FGF13: variants seen among roughly 807,000 people sequenced by gnomAD.
The protein encoded by FGF13 is fibroblast growth factor 13.
A neutral mutation model predicts 19.5 loss-of-function variants in FGF13; 2 were observed. That is an observed-to-expected ratio of 0.10 (90% CI 0.04 to 0.32). FGF13 has a LOEUF of 0.32. Among genes scored for constraint, FGF13 ranks in the 10% least tolerant of loss-of-function variants. The pLI is 1.00. For missense variants in FGF13, 113 were observed against 192.7 expected, an observed-to-expected ratio of 0.59 and a Z score of 2.45; for synonymous variants, 72 against 76.9, an observed-to-expected ratio of 0.94 and a Z score of 0.33.
intron 3 of FGF13, among the ~76,000 whole-genome samples, chrX:138,758,145 G>C (rs1286566104): frequency 9.0e-6 from 1 of 111,350 alleles, no homozygotes; most frequent in East Asian, 2.9e-4. Flanking sequence ...AAGCCAGAGT[G>C]ATCCCTAAAT....
intron 1 of FGF13, among the ~76,000 whole-genome samples, chrX:138,912,770 C>A (rs770992346): frequency 1.4e-3 from 157 of 111,699 alleles, no homozygotes; most frequent in Non-Finnish European, 2.5e-3. Flanking sequence ...CTCTCACTCC[C>A]AGATTCTGTT....
At chrX:139,011,323 A>T (rs1005010823) in intron 1 of FGF13, among the ~76,000 whole-genome samples, 3 of 104,622 alleles carry the variant, frequency 2.9e-5, no homozygotes, top group African/African-American at 1.0e-4. Flanking sequence ...TATCACCCTA[A>T]TACCAAAAAC....
At chrX:138,982,023 G>A (rs1448086407) in intron 1 of FGF13, among the ~76,000 whole-genome samples, 4 of 111,696 alleles carry the variant, frequency 3.6e-5, no homozygotes, top group African/African-American at 1.3e-4. Flanking sequence ...TAGCGAGCAT[G>A]AGGATAGAAG....
intron 3 of FGF13, among the ~76,000 whole-genome samples, chrX:138,794,937 C>G (rs920676192): frequency 8.9e-6 from 1 of 111,956 alleles, no homozygotes; most frequent in African/African-American, 3.2e-5. Flanking sequence ...TGTGCTGTGC[C>G]TGACATCTTA....
chrX:138,810,245 G>T (rs2090911135), intron 3 of FGF13, among the ~76,000 whole-genome samples: 4 of 111,592 alleles, frequency 3.6e-5, no homozygotes, highest in Admixed American at 2.9e-4. Flanking sequence ...CCAAAACAGA[G>T]ATATAGACCA....
chrX:139,026,882 C>T (rs1409829337), intron 1 of FGF13, among the ~76,000 whole-genome samples: 1 of 112,118 alleles, frequency 8.9e-6, no homozygotes, highest in African/African-American at 3.2e-5. Flanking sequence ...ATAAAGAAAA[C>T]CAGTGGCAGA....
chrX:138,692,790 C>T (rs1300589958), intron 3 of FGF13, among the ~76,000 whole-genome samples: 2 of 110,996 alleles, frequency 1.8e-5, no homozygotes, highest in Non-Finnish European at 3.8e-5. Flanking sequence ...GTCTTTCTTG[C>T]CAATTATTTT....
chrX:138,889,928 T>A (rs2091468419), intron 1 of FGF13, among the ~76,000 whole-genome samples: 1 of 105,447 alleles, frequency 9.5e-6, no homozygotes, highest in African/African-American at 3.8e-5. Context: ...CTCTCCCTTT[T>A]GAACTTTTTT....
At chrX:138,643,496 G>A (rs770808812) in intron 3 of FGF13, among the ~76,000 whole-genome samples, 4 of 112,242 alleles carry the variant, frequency 3.6e-5, no homozygotes, top group Non-Finnish European at 5.6e-5. Context: ...AAAGAAGAGA[G>A]ATAGGCCATA....
intron 1 of FGF13, among the ~76,000 whole-genome samples, chrX:139,154,975 G>T (rs945161749): frequency 9.0e-6 from 1 of 111,538 alleles, no homozygotes; most frequent in Non-Finnish European, 1.9e-5. Flanking sequence ...CCCAGACAAG[G>T]ATGTTGAGGC....
At chrX:139,203,392 C>G (rs1180984315) in intron 1 of FGF13, 2 of 109,483 alleles carry the variant, frequency 1.8e-5, no homozygotes, top group Non-Finnish European at 3.8e-5. Context: ...GCGCGGGCGG[C>G]GCCAGGGCAC....
At chrX:139,041,318 T>A (rs924281264) in intron 1 of FGF13, among the ~76,000 whole-genome samples, 4 of 111,519 alleles carry the variant, frequency 3.6e-5, no homozygotes, top group African/African-American at 6.6e-5. Context: ...GTTGTTTTTT[T>A]AATTTCCTAT....
chrX:138,793,914 A>T (rs1046958401), intron 3 of FGF13, among the ~76,000 whole-genome samples: 2 of 112,152 alleles, frequency 1.8e-5, no homozygotes, highest in Non-Finnish European at 3.8e-5. Context: ...ACACAAAATA[A>T]GTGCTCACTA....
intron 1 of FGF13, among the ~76,000 whole-genome samples, chrX:138,710,526 G>A (rs2090034878): frequency 8.9e-6 from 1 of 112,156 alleles, no homozygotes; most frequent in Non-Finnish European, 1.9e-5. Flanking sequence ...CGCCTGCCCA[G>A]AGCCCACCGG....
At chrX:138,764,262 A>G (rs2090488829) in intron 3 of FGF13, among the ~76,000 whole-genome samples, 1 of 112,445 alleles carries the variant, frequency 8.9e-6, no homozygotes, top group East Asian at 2.8e-4. Context: ...AGATGAAAGC[A>G]TGTGTAATTA....
intron 3 of FGF13, among the ~76,000 whole-genome samples, chrX:138,808,853 G>C (rs182702361): frequency 1.6e-3 from 181 of 111,929 alleles, no homozygotes; most frequent in African/African-American, 5.7e-3. Flanking sequence ...AGAAGAAATG[G>C]ATAAATTCCT....
At chrX:138,676,807 C>T (rs1192882095) in intron 3 of FGF13, among the ~76,000 whole-genome samples, 1 of 112,125 alleles carries the variant, frequency 8.9e-6, no homozygotes, top group Non-Finnish European at 1.9e-5. Context: ...TTTGCTCCCC[C>T]ATCGCTCAGG....
Position 138,641,436 on chromosome X carries a change from C to T in FGF13, c.403-5781G>A, listed in dbSNP as rs150835627. 5.9e-3 allele frequency among the ~76,000 whole-genome samples: 660 copies of T among 111,590 alleles called. 7 individuals are homozygous for T. The highest frequency in any genetic ancestry group is 0.02 in the African/African-American group (626 of 30,703). On this transcript the variant is annotated intron_variant, in intron 3 of 4. Coordinates refer to ENST00000315930, the MANE Select transcript of FGF13 (RefSeq NM_004114.5). ...ACTCTTCTAATTCTGAGCCATGTTCCGATGATAATTAATTTTCCAGATTAA... is the reference window on the plus strand; with the variant it reads ...ACTCTTCTAATTCTGAGCCATGTTCTGATGATAATTAATTTTCCAGATTAA...
chrX:139,158,373 G>C (rs1441115398), intron 1 of FGF13, among the ~76,000 whole-genome samples: 1 of 110,942 alleles, frequency 9.0e-6, no homozygotes, highest in African/African-American at 3.3e-5. Context: ...TGAAATTCTT[G>C]CTGCCAGGAA....
Sources: gnomAD v4.1 joint callset for allele counts (sites outside exome capture counted in the v4.1 genomes callset) on GRCh38, gnomAD v4.1.1 for gene constraint, MANE v1.5 for transcripts, NCBI Gene and HGNC (gene_info 2026-07-23, HGNC 2026-07-21) for gene names.